The following MYO3B variants were observed in gnomAD, a reference collection of about 807,000 sequenced individuals.
The protein encoded by MYO3B is myosin IIIB.
In MYO3B, 156 loss-of-function variants were observed where a neutral mutation model predicts 174.6. The ratio of observed to expected loss-of-function variants is 0.89; its 90% CI spans 0.78 to 1.02. MYO3B has a LOEUF of 1.02. Ranked by LOEUF, MYO3B falls within the 50% of genes least tolerant of loss-of-function variation. MYO3B has a pLI of 0.00. For missense variants in MYO3B, 1,632 were observed against 1,639.4 expected (o/e 1.00, Z 0.08); for synonymous variants, 563 against 569.1 (o/e 0.99, Z 0.15).
rs1440741844 is a variant in MYO3B at position 170,543,942 on chromosome 2, T to C, written c.3687T>C (p.Ala1229=). The change falls in exon 32 of 35, where the codon GCT becomes GCC. Residue 1229 remains alanine (A), a synonymous_variant. Coordinates refer to ENST00000408978, the MANE Select transcript of MYO3B (RefSeq NM_138995.5). ...DLLSSRICHP[A]PDQQGLSLWG... Reference sequence around the variant, plus strand: ...TGTCTTCTCGGATATGCCATCCTGCTCCAGATCAGCAAGGATTGAGTCTCT... The same window carrying C: ...TGTCTTCTCGGATATGCCATCCTGCCCCAGATCAGCAAGGATTGAGTCTCT... 2 of 1,613,316 alleles carry C rather than the reference T, an allele frequency of 1.2e-6. No homozygotes were observed. The highest frequency in any genetic ancestry group is 1.7e-6 in the Non-Finnish European group (2 of 1,179,448).
In MYO3B at chr2:170,654,993, G is replaced by T. The variant is rs1013838285; in HGVS notation, c.*1872G>T. On this transcript the variant is annotated 3_prime_UTR_variant, in exon 35 of 35. Transcript: ENST00000408978. ...TACTGTTAATATACGAGTGCTTTTG[G>T]AAGTTTCACTTTTGTCACTGATTGT... 6.6e-6 allele frequency: 1 copy of T among 152,074 alleles called. No individual in the cohort carries two copies. 9.4% of individuals were successfully genotyped at this position (152,074 alleles called of 1,614,324 possible). A position where few individuals can be genotyped will look rare whatever the true frequency, so the allele number is the denominator to read the frequency against.
intron 8 of MYO3B, among the ~76,000 whole-genome samples, chr2:170,353,974 C>T (rs1450336992): frequency 6.6e-6 from 1 of 152,210 alleles, no homozygotes; most frequent in Non-Finnish European, 1.5e-5. Context: ...CACATTCAAT[C>T]ATTCATCGCA....
At chr2:170,627,838 A>G (rs1393528218) in intron 32 of MYO3B, among the ~76,000 whole-genome samples, 5 of 152,242 alleles carry the variant, frequency 3.3e-5, no homozygotes, top group Non-Finnish European at 7.3e-5. Context: ...TTGCCTGGGT[A>G]TCACCAGCGG....
At chr2:170,603,322 A>C (rs993010429) in intron 32 of MYO3B, among the ~76,000 whole-genome samples, 2 of 152,202 alleles carry the variant, frequency 1.3e-5, no homozygotes, top group African/African-American at 2.4e-5. Flanking sequence ...CATCTTTAGG[A>C]AACATTGCTA....
At chr2:170,331,861 G>A (rs1263771713) in intron 7 of MYO3B, among the ~76,000 whole-genome samples, 1 of 152,060 alleles carries the variant, frequency 6.6e-6, no homozygotes, top group African/African-American at 2.4e-5. Context: ...CAGCAATGAC[G>A]GGTTAAGTCC....
At chr2:170,554,011 TAC>T (rs1265548077) in intron 32 of MYO3B, among the ~76,000 whole-genome samples, 1 of 152,234 alleles carries the variant, frequency 6.6e-6, no homozygotes, top group East Asian at 1.9e-4. Context: ...ATGCCTCCTG[TAC>T]AGATTATGGA....
chr2:170,597,503 G>C (rs1053188287), intron 32 of MYO3B, among the ~76,000 whole-genome samples: 1 of 152,102 alleles, frequency 6.6e-6, no homozygotes, highest in African/African-American at 2.4e-5. Flanking sequence ...TGGCCCTCCA[G>C]AGTACCCCTG....
In MYO3B at chr2:170,542,753, T is replaced by C. The variant is rs555990906; in HGVS notation, c.3576-153T>C. On this transcript the variant is annotated intron_variant, in intron 30 of 34. Transcript: ENST00000408978. ...CCTAGTAGGACTCATTTTCTTAAGG[T>C]GACCATGTCCTTTTAACCAAGGACT... Among the ~76,000 whole-genome samples the C allele has an allele frequency of 1.5e-4, 23 of 152,318 alleles. No individual in the cohort carries two copies. The South Asian group carries it at 3.1e-3, about 21-fold the overall frequency.
intron 5 of MYO3B, among the ~76,000 whole-genome samples, chr2:170,215,725 G>A (rs1180055063): frequency 6.6e-6 from 1 of 152,104 alleles, no homozygotes; most frequent in Non-Finnish European, 1.5e-5. Context: ...AATAGCAGAG[G>A]GAGCATTTTG....
chr2:170,486,270 C>T (rs958350128), intron 25 of MYO3B, among the ~76,000 whole-genome samples: 1 of 149,160 alleles, frequency 6.7e-6, no homozygotes, highest in Admixed American at 6.7e-5. Context: ...CAATGATAAA[C>T]ATCTATTTTA....
chr2:170,536,269 A>G (rs1445716712), intron 30 of MYO3B, among the ~76,000 whole-genome samples: 2 of 152,244 alleles, frequency 1.3e-5, no homozygotes, highest in African/African-American at 4.8e-5. Flanking sequence ...ACTTAGAGCA[A>G]TGGCATTATG....
At chr2:170,268,198 C>G (rs1044887586) in intron 7 of MYO3B, among the ~76,000 whole-genome samples, 1 of 151,918 alleles carries the variant, frequency 6.6e-6, no homozygotes, top group African/African-American at 2.4e-5. Flanking sequence ...ATGCATCACA[C>G]CTGGATGACA....
intron 32 of MYO3B, among the ~76,000 whole-genome samples, chr2:170,618,802 A>AACATTTGTATGTAGAAGTACAGT (rs1411606049): frequency 3.3e-5 from 5 of 152,254 alleles, no homozygotes; most frequent in East Asian, 1.9e-4. Context: ...TAATTAACAT[A>AACATTTGTATGTAGAAGTACAGT]ACATTTGTAT....
chr2:170,473,006 C>T (rs1685071203), intron 25 of MYO3B, among the ~76,000 whole-genome samples: 1 of 151,984 alleles, frequency 6.6e-6, no homozygotes, highest in Non-Finnish European at 1.5e-5. Flanking sequence ...TGAACTTCAG[C>T]TCACTTTATG....
chr2:170,220,933 C>T (rs767617100), intron 6 of MYO3B, among the ~76,000 whole-genome samples: 8 of 152,198 alleles, frequency 5.3e-5, no homozygotes. Context: ...ACTATTCTCA[C>T]ATTTTTATTT....
chr2:170,499,969 TCTTTCCTTCCTTC>T (rs1286393280), intron 27 of MYO3B, among the ~76,000 whole-genome samples, 161 bp downstream of exon 27: 8 of 141,788 alleles, frequency 5.6e-5, no homozygotes, highest in Non-Finnish European at 1.3e-4. Flanking sequence ...CTTCCTTCCT[TCTTTCCTTCCTTC>T]CTTTAGCAAA....
At chr2:170,462,065 G>A (rs961637006) in intron 23 of MYO3B, among the ~76,000 whole-genome samples, 3 of 152,154 alleles carry the variant, frequency 2.0e-5, no homozygotes, top group African/African-American at 2.4e-5. Context: ...AGTATAACAC[G>A]CTCTGCAGGT....
chr2:170,380,838 G>T (rs1007588440), intron 9 of MYO3B, among the ~76,000 whole-genome samples: 9 of 152,286 alleles, frequency 5.9e-5, no homozygotes, highest in Admixed American at 2.0e-4. Context: ...TGAGTAGGCC[G>T]GGTGCAGTGG....
At chr2:170,640,607 G>C (rs911149922) in intron 32 of MYO3B, 4 of 152,164 alleles carry the variant, frequency 2.6e-5, no homozygotes, top group Non-Finnish European at 4.4e-5. Flanking sequence ...GTAAAATAAA[G>C]TTACTTTTTT....
Sources: gnomAD v4.1 joint callset for allele counts (sites outside exome capture counted in the v4.1 genomes callset) on GRCh38, gnomAD v4.1.1 for gene constraint, MANE v1.5 for transcripts, NCBI Gene and HGNC (gene_info 2026-07-23, HGNC 2026-07-21) for gene names.